The following RFX3 variants were observed in gnomAD, a reference collection of about 807,000 sequenced individuals.
RFX3 encodes the protein regulatory factor X3.
A neutral mutation model predicts 98.6 loss-of-function variants in RFX3; 14 were observed. The ratio of observed to expected loss-of-function variants is 0.14; its 90% CI spans 0.09 to 0.22. The LOEUF (loss-of-function observed/expected upper bound fraction) is 0.22. Ranked by LOEUF, RFX3 falls within the 10% of genes least tolerant of loss-of-function variation. The pLI is 1.00. For synonymous variants in RFX3, 383 were observed against 328.4 expected (o/e 1.17, Z -1.80); for missense variants, 639 against 926.9 (o/e 0.69, Z 4.03).
intron 2 of RFX3, among the ~76,000 whole-genome samples, chr9:3,384,572 G>T (rs1045438599): frequency 6.6e-6 from 1 of 152,076 alleles, no homozygotes; most frequent in South Asian, 2.1e-4. Flanking sequence ...TTAAGCATAG[G>T]GACACATAAT....
intron 1 of RFX3, among the ~76,000 whole-genome samples, chr9:3,476,431 T>C (rs1212936734): frequency 2.6e-5 from 4 of 152,140 alleles, no homozygotes; most frequent in Non-Finnish European, 2.9e-5. Flanking sequence ...TCAGCATTGA[T>C]GCAAAGTTTA....
intron 1 of RFX3, among the ~76,000 whole-genome samples, chr9:3,421,659 T>C (rs977835474): frequency 2.0e-5 from 3 of 152,222 alleles, no homozygotes; most frequent in African/African-American, 7.2e-5. Flanking sequence ...TATTACTCTG[T>C]TTACAGATGG....
chr9:3,285,772 T>C (rs79132105), intron 7 of RFX3, among the ~76,000 whole-genome samples: 5,001 of 151,858 alleles, frequency 0.033, 211 homozygotes, highest in African/African-American at 0.099. Flanking sequence ...TCAAATTCAA[T>C]TTATTAATAC....
chr9:3,508,318 A>T (rs1223396247), intron 1 of RFX3, among the ~76,000 whole-genome samples: 1 of 151,910 alleles, frequency 6.6e-6, no homozygotes. Context: ...AGCACTTTCT[A>T]TTCATTTGAA....
intron 1 of RFX3, among the ~76,000 whole-genome samples, chr9:3,441,137 T>G (rs1489325728): frequency 6.6e-6 from 1 of 152,182 alleles, no homozygotes; most frequent in Non-Finnish European, 1.5e-5. Flanking sequence ...TATACTGGGT[T>G]TGTACAACCA....
Position 3,222,059 on chromosome 9 carries a change from T to A in RFX3, c.*2983A>T, listed in dbSNP as rs1817365929. On this transcript the variant is annotated 3_prime_UTR_variant, in exon 17 of 17. Coordinates refer to ENST00000617270, the MANE Select transcript of RFX3 (RefSeq NM_001282116.2). ...GAAAAAAGGGAAAAAGGGAAATAAATGCAATAAATGTGATTGCTCAATTTG... is the reference window on the plus strand; with the variant it reads ...GAAAAAAGGGAAAAAGGGAAATAAAAGCAATAAATGTGATTGCTCAATTTG... 1.3e-5 allele frequency: 2 copies of A among 152,104 alleles called. No individual in the cohort carries two copies. Among genetic ancestry groups the A allele is most frequent in the South Asian group, 4.1e-4 (2 of 4,834 alleles). The allele number at this position is 152,104 out of a possible 1,614,324, so 9.4% of individuals were successfully genotyped here.
chr9:3,229,682 G>A (rs1818234512), intron 15 of RFX3, among the ~76,000 whole-genome samples: 2 of 152,184 alleles, frequency 1.3e-5, no homozygotes, highest in Non-Finnish European at 2.9e-5. Context: ...AAGAGAAACT[G>A]CAAAGCATCT....
intron 1 of RFX3, among the ~76,000 whole-genome samples, chr9:3,470,489 T>C (rs1377230888): frequency 1.4e-5 from 2 of 139,906 alleles, no homozygotes; most frequent in Non-Finnish European, 3.0e-5. Flanking sequence ...TAATTTTTTC[T>C]TTTTTTCTTT....
chr9:3,255,038 T>C (rs752313925), intron 14 of RFX3, among the ~76,000 whole-genome samples: 4 of 152,228 alleles, frequency 2.6e-5, no homozygotes, highest in Admixed American at 6.5e-5. Flanking sequence ...AAAAAACTGG[T>C]TGGCTTTCTT....
At chr9:3,356,961 ATG>A (rs1354373218) in intron 2 of RFX3, among the ~76,000 whole-genome samples, 4 of 138,996 alleles carry the variant, frequency 2.9e-5, no homozygotes, top group African/African-American at 1.3e-4. Flanking sequence ...ACATACACAC[ATG>A]CACACACACG....
intron 4 of RFX3, among the ~76,000 whole-genome samples, chr9:3,328,949 G>C (rs946331787): frequency 1.3e-5 from 2 of 152,072 alleles, no homozygotes; most frequent in Non-Finnish European, 2.9e-5. Flanking sequence ...GTAATACCTA[G>C]AAAATCTATT....
intron 1 of RFX3, among the ~76,000 whole-genome samples, chr9:3,419,504 C>G (rs1448159167): frequency 6.6e-6 from 1 of 152,130 alleles, no homozygotes; most frequent in African/African-American, 2.4e-5. Context: ...CTTACCTGGG[C>G]CAAATGAGCA....
intron 2 of RFX3, among the ~76,000 whole-genome samples, chr9:3,382,410 T>C (rs1839291644): frequency 6.6e-6 from 1 of 152,182 alleles, no homozygotes; most frequent in South Asian, 2.1e-4. Context: ...AAAAAAATAC[T>C]GATCAATTGA....
At chr9:3,263,761 T>C (rs1250244119) in intron 12 of RFX3, among the ~76,000 whole-genome samples, 1 of 152,186 alleles carries the variant, frequency 6.6e-6, no homozygotes, top group African/African-American at 2.4e-5. Context: ...CCCAGGAAGA[T>C]TGATCCGAAT....
intron 6 of RFX3, among the ~76,000 whole-genome samples, chr9:3,291,924 G>A (rs763143578): frequency 6.6e-6 from 1 of 151,512 alleles, no homozygotes; most frequent in Non-Finnish European, 1.5e-5. Context: ...GGACGTGGTG[G>A]CACACACCTG....
chr9:3,355,345 A>T (rs1354332537), intron 2 of RFX3, among the ~76,000 whole-genome samples: 1 of 151,852 alleles, frequency 6.6e-6, no homozygotes, highest in Non-Finnish European at 1.5e-5. Context: ...AAACAGGTTA[A>T]AAATAAAAGG....
chr9:3,448,155 A>G (rs1846217533), intron 1 of RFX3, among the ~76,000 whole-genome samples: 1 of 149,772 alleles, frequency 6.7e-6, no homozygotes, highest in Non-Finnish European at 1.5e-5. Context: ...AAACATAAAC[A>G]CATGATTTAA....
intron 1 of RFX3, among the ~76,000 whole-genome samples, chr9:3,508,399 T>A (rs930412408): frequency 6.6e-6 from 1 of 151,976 alleles, no homozygotes; most frequent in African/African-American, 2.4e-5. Flanking sequence ...ATCAGAAATA[T>A]AGTTCAATCT....
At chr9:3,313,637 C>A (rs796603903) in intron 4 of RFX3, among the ~76,000 whole-genome samples, 1 of 152,088 alleles carries the variant, frequency 6.6e-6, no homozygotes, top group Admixed American at 6.6e-5. Context: ...AAAGATTAGA[C>A]GAATGGCTAA....
Sources: gnomAD v4.1 joint callset for allele counts (sites outside exome capture counted in the v4.1 genomes callset) on GRCh38, gnomAD v4.1.1 for gene constraint, MANE v1.5 for transcripts, NCBI Gene and HGNC (gene_info 2026-07-23, HGNC 2026-07-21) for gene names.